The following SYN3 variants were observed in gnomAD, a reference collection of about 807,000 sequenced individuals.
SYN3 encodes the protein synapsin-3.
Under a neutral mutation model 65.8 loss-of-function variants are expected in SYN3, and 35 were observed. That is an observed-to-expected ratio of 0.53 (90% CI 0.41 to 0.70). The LOEUF is 0.70. Ranked by LOEUF, SYN3 falls within the 30% of genes least tolerant of loss-of-function variation. SYN3 has a pLI of 0.00. For missense variants in SYN3, 680 were observed against 749.0 expected (o/e 0.91, Z 1.08); for synonymous variants, 270 against 292.9 (o/e 0.92, Z 0.80).
intron 6 of SYN3, chr22:32,784,809 T>C (rs142992585): frequency 1.1e-4 from 16 of 152,334 alleles, no homozygotes; most frequent in African/African-American, 3.8e-4. Context: ...ATTTGCACAC[T>C]GCATGAGCTG....
At chr22:32,893,051 T>C (rs180789830) in intron 4 of SYN3, among the ~76,000 whole-genome samples, 28 of 152,256 alleles carry the variant, frequency 1.8e-4, no homozygotes, top group African/African-American at 6.7e-4. Context: ...AGATGGGCCC[T>C]GCTTCCTCTG....
chr22:33,037,337 T>C (rs958280196), intron 1 of SYN3, among the ~76,000 whole-genome samples: 2 of 152,132 alleles, frequency 1.3e-5, no homozygotes, highest in Admixed American at 6.5e-5. Context: ...TTTCTCCCCA[T>C]ACAACCTACC....
At chr22:33,018,320 G>A (rs1441668897) in intron 1 of SYN3, among the ~76,000 whole-genome samples, 3 of 152,178 alleles carry the variant, frequency 2.0e-5, no homozygotes, top group Non-Finnish European at 2.9e-5. Context: ...GACAAGGTGC[G>A]GATGAGAGGG....
At chr22:32,766,321 G>C (rs1308085759) in intron 6 of SYN3, among the ~76,000 whole-genome samples, 1 of 152,134 alleles carries the variant, frequency 6.6e-6, no homozygotes, top group African/African-American at 2.4e-5. Flanking sequence ...CCAGGAGGAA[G>C]AAACATGTAC....
intron 6 of SYN3, among the ~76,000 whole-genome samples, chr22:32,798,232 T>C (rs1457052873): frequency 6.6e-6 from 1 of 152,188 alleles, no homozygotes; most frequent in East Asian, 1.9e-4. Flanking sequence ...GTAAAATTTC[T>C]CTGTGGGCTG....
At chr22:32,850,021 G>A (rs1184683994) in intron 6 of SYN3, among the ~76,000 whole-genome samples, 1 of 151,306 alleles carries the variant, frequency 6.6e-6, no homozygotes, top group Non-Finnish European at 1.5e-5. Context: ...CATGGAAACT[G>A]TGCTGATCAC....
At chr22:32,794,432 C>A (rs572537162) in intron 6 of SYN3, among the ~76,000 whole-genome samples, 1 of 152,114 alleles carries the variant, frequency 6.6e-6, no homozygotes, top group African/African-American at 2.4e-5. Context: ...ACTGAGGGAG[C>A]CTCATCTAGT....
At chr22:32,584,872 A>C (rs1225157957) in intron 7 of SYN3, among the ~76,000 whole-genome samples, 2 of 152,222 alleles carry the variant, frequency 1.3e-5, no homozygotes, top group Non-Finnish European at 2.9e-5. Flanking sequence ...TGCTGGTCTC[A>C]AAGGTACTGA....
At chr22:32,701,563 GC>G (rs2060810804) in intron 6 of SYN3, among the ~76,000 whole-genome samples, 1 of 152,132 alleles carries the variant, frequency 6.6e-6, no homozygotes, top group South Asian at 2.1e-4. Context: ...AAAACATGAA[GC>G]TGATGAAGAA....
chr22:32,957,031 T>A (rs1427415922), intron 3 of SYN3, among the ~76,000 whole-genome samples: 2 of 152,126 alleles, frequency 1.3e-5, no homozygotes, highest in African/African-American at 4.8e-5. Flanking sequence ...AGGAACAAGG[T>A]CAGGGCAGGC....
intron 6 of SYN3, among the ~76,000 whole-genome samples, chr22:32,609,922 T>C (rs1187894959): frequency 6.6e-6 from 1 of 152,150 alleles, no homozygotes; most frequent in East Asian, 1.9e-4. Flanking sequence ...ACAACTTTAT[T>C]GAGATACAAT....
rs146978583 is a variant in SYN3, at chr22:32,696,913, C to T, written c.712-100177G>A. Among the ~76,000 whole-genome samples, 1,414 of 152,302 alleles carry T rather than the reference C, an allele frequency of 9.3e-3. 25 individuals are homozygous for T. The highest frequency in any genetic ancestry group is 0.033 in the African/African-American group (1,357 of 41,560). ...TCCCCAGAATGAAATTTCATTCTAG[C>T]TTTGCCTGTGGTGCAGCCTGCTTCC... On this transcript the variant is annotated intron_variant, in intron 6 of 13. Coordinates refer to ENST00000358763, the MANE Select transcript of SYN3 (RefSeq NM_003490.4).
intron 7 of SYN3, among the ~76,000 whole-genome samples, chr22:32,588,060 T>C (rs1238286612): frequency 1.3e-5 from 2 of 152,208 alleles, no homozygotes; most frequent in East Asian, 1.9e-4. Flanking sequence ...TATATACATA[T>C]AGCACTGAGA....
At chr22:32,854,710 G>A (rs1054121663) in intron 6 of SYN3, among the ~76,000 whole-genome samples, 2 of 152,110 alleles carry the variant, frequency 1.3e-5, no homozygotes, top group African/African-American at 2.4e-5. Context: ...CCCACCCCGC[G>A]CCCCCACCGC....
chr22:32,637,826 T>G (rs1203578831), intron 6 of SYN3, among the ~76,000 whole-genome samples: 1 of 151,792 alleles, frequency 6.6e-6, no homozygotes, highest in East Asian at 1.9e-4. Flanking sequence ...TTAGTAGAGA[T>G]GGGGGTTTCA....
intron 6 of SYN3, among the ~76,000 whole-genome samples, chr22:32,807,528 C>T (rs889171566): frequency 1.4e-5 from 2 of 147,210 alleles, no homozygotes; most frequent in Admixed American, 1.4e-4. Flanking sequence ...TATTCTAAGT[C>T]ATTAACTTAC....
chr22:32,670,425 G>T (rs2060344604), intron 6 of SYN3, among the ~76,000 whole-genome samples: 1 of 152,190 alleles, frequency 6.6e-6, no homozygotes, highest in Non-Finnish European at 1.5e-5. Flanking sequence ...ATTAATATAA[G>T]CACAAAACAG....
chr22:32,612,839 C>CTAAATAAA (rs564903924), intron 6 of SYN3, among the ~76,000 whole-genome samples: 17 of 151,888 alleles, frequency 1.1e-4, no homozygotes, highest in South Asian at 1.0e-3. Context: ...ACCCTGTGTC[C>CTAAATAAA]TAAATAAATA....
intron 6 of SYN3, among the ~76,000 whole-genome samples, chr22:32,783,419 C>T (rs1358059894): frequency 6.6e-6 from 1 of 152,204 alleles, no homozygotes; most frequent in Non-Finnish European, 1.5e-5. Flanking sequence ...AAGCTGGAAA[C>T]TGGAATTACT....
Sources: allele counts gnomAD v4.1 joint callset (sites outside exome capture counted in the v4.1 genomes callset), GRCh38; gene constraint gnomAD v4.1.1; transcripts MANE v1.5; gene names NCBI Gene and HGNC (gene_info 2026-07-23, HGNC 2026-07-21).